PCYT1B: variants seen among roughly 807,000 people sequenced by gnomAD.
The protein encoded by PCYT1B is phosphate cytidylyltransferase 1B, choline.
A neutral mutation model predicts 26.4 loss-of-function variants in PCYT1B; 10 were observed. That is an observed-to-expected ratio of 0.38 (90% CI 0.23 to 0.64). The LOEUF (loss-of-function observed/expected upper bound fraction) is 0.64. Among genes scored for constraint, PCYT1B ranks in the 30% least tolerant of loss-of-function variants. The probability of loss-of-function intolerance (pLI) is 0.56; values close to 1 mark genes in which losing one functional copy is unlikely to be tolerated. For synonymous variants in PCYT1B, 131 were observed against 108.4 expected (o/e 1.21, Z -1.29); for missense variants, 161 against 292.7 (o/e 0.55, Z 3.28).
At chrX:24,572,722 T>C (rs185326806) in intron 7 of PCYT1B, among the ~76,000 whole-genome samples, 26 of 110,848 alleles carry the variant, frequency 2.3e-4, no homozygotes, top group African/African-American at 5.9e-4. Flanking sequence ...CTGGCTGATA[T>C]GGTAAATTAA....
chrX:24,671,704 C>T (rs1346814163), intron 1 of PCYT1B, among the ~76,000 whole-genome samples: 1 of 111,387 alleles, frequency 9.0e-6, no homozygotes, highest in Non-Finnish European at 1.9e-5. Context: ...GAAATTCCCT[C>T]TGCCTCGTTG....
chrX:24,615,907 T>C (rs1363761847), intron 2 of PCYT1B, among the ~76,000 whole-genome samples: 1 of 111,631 alleles, frequency 9.0e-6, no homozygotes, highest in Non-Finnish European at 1.9e-5. Context: ...AGGCAGATCG[T>C]TGCAGTAGGC....
At chrX:24,569,690 T>C (rs1923757713) in intron 7 of PCYT1B, among the ~76,000 whole-genome samples, 1 of 111,972 alleles carries the variant, frequency 8.9e-6, no homozygotes, top group South Asian at 3.7e-4. Flanking sequence ...CATATGAGGT[T>C]CATAGAGTGG....
intron 2 of PCYT1B, among the ~76,000 whole-genome samples, chrX:24,612,164 G>A (rs375047773): frequency 6.2e-5 from 7 of 112,094 alleles, no homozygotes; most frequent in African/African-American, 2.3e-4. Flanking sequence ...GCCGACAACT[G>A]GTAAGAAGCT....
At chrX:24,637,360 G>A (rs1270140465) in intron 1 of PCYT1B, among the ~76,000 whole-genome samples, 1 of 103,762 alleles carries the variant, frequency 9.6e-6, no homozygotes, top group Non-Finnish European at 1.9e-5. Flanking sequence ...TGATCTTTGG[G>A]GCCGGGCACG....
chrX:24,587,204 G>C lies in PCYT1B; in HGVS notation c.565+37C>G, dbSNP rs201631061. On this transcript the variant is annotated intron_variant, in intron 5 of 7. Coordinates refer to ENST00000379144, the MANE Select transcript of PCYT1B (RefSeq NM_004845.5). Reference sequence around the variant, plus strand: ...GTCTCTTATTGCACCTGATTATTGTGATGTGGTTGACAGGTGAGCACAGGG... The same window carrying C: ...GTCTCTTATTGCACCTGATTATTGTCATGTGGTTGACAGGTGAGCACAGGG... The C allele has an allele frequency of 1.8e-4, 167 of 934,697 alleles. 1 individual carries two copies. The African/African-American group carries it at 2.8e-3, about 16-fold the overall frequency. The allele number at this position is 934,697 out of a possible 1,213,427, so 77.0% of individuals were successfully genotyped here.
chrX:24,615,609 C>G (rs1925463587), intron 2 of PCYT1B, among the ~76,000 whole-genome samples: 1 of 110,597 alleles, frequency 9.0e-6, no homozygotes, highest in Non-Finnish European at 1.9e-5. Context: ...GGACTACAGA[C>G]ATGCACCACC....
rs746684147 is a variant in PCYT1B at position 24,571,014 on chromosome X, C to G, written c.897+4116G>C. ...CAGGCTCCATCCTACCGCCTACCAA[C>G]TCCTGTGAGACCACGGGAAAGTTTC... On this transcript the variant is annotated intron_variant, in intron 7 of 7. Coordinates refer to ENST00000379144, the MANE Select transcript of PCYT1B (RefSeq NM_004845.5). 6.2e-5 allele frequency among the ~76,000 whole-genome samples: 7 copies of G among 112,302 alleles called. No homozygotes were observed. In the East Asian group the frequency reaches 2.0e-3, roughly 31 times the overall value.
chrX:24,631,423 T>A (rs1926088476), intron 1 of PCYT1B, among the ~76,000 whole-genome samples: 1 of 111,661 alleles, frequency 9.0e-6, no homozygotes, highest in South Asian at 3.8e-4. Flanking sequence ...TAATGTGGGA[T>A]GGGCAAGACA....
rs1353849211 is a variant in PCYT1B at position 24,590,169 on chromosome X, T to C, written c.340A>G (p.Ser114Gly). ...TTGAATTTGTGGGTGAGATCATCACTGCAAACTAAAACAGGCAAATGCATT... is the reference window on the plus strand; with the variant it reads ...TTGAATTTGTGGGTGAGATCATCACCGCAAACTAAAACAGGCAAATGCATT... Reference protein sequence around the residue: ...PNSYLLVGVCSDDLTHKFKGF... With the variant: ...PNSYLLVGVCGDDLTHKFKGF... Residue 114 changes from serine to glycine, a missense_variant, in exon 4 of 8, where the codon AGT (serine) becomes GGT (glycine). Ser to Gly is a moderately conservative substitution (Grantham distance 56, BLOSUM62 0). Around this residue, in one of 4 missense-constraint regions of PCYT1B, gnomAD observed 65 missense variants for 145.0 expected, o/e 0.45. Coordinates refer to ENST00000379144, the MANE Select transcript of PCYT1B (RefSeq NM_004845.5). 1 of 1,206,814 alleles carries C rather than the reference T, an allele frequency of 8.3e-7. No homozygotes were observed. The highest frequency in any genetic ancestry group is 1.1e-6 in the Non-Finnish European group (1 of 893,496).
intron 2 of PCYT1B, among the ~76,000 whole-genome samples, chrX:24,608,942 A>G (rs1198873856): frequency 1.8e-5 from 2 of 111,599 alleles, no homozygotes; most frequent in Admixed American, 9.6e-5. Context: ...TATTTTGCCA[A>G]CCTTGACACC....
chrX:24,659,409 C>A (rs766410285), intron 1 of PCYT1B, among the ~76,000 whole-genome samples: 1 of 111,020 alleles, frequency 9.0e-6, no homozygotes, highest in East Asian at 2.8e-4. Context: ...GCAATACAAA[C>A]AGAAGTGGCC....
chrX:24,593,388 CTCTT>C (rs980349754), intron 3 of PCYT1B, among the ~76,000 whole-genome samples: 5 of 102,939 alleles, frequency 4.9e-5, no homozygotes, highest in African/African-American at 1.8e-4. Context: ...CTCTCTCTCT[CTCTT>C]TCCTTCTTTC....
intron 1 of PCYT1B, among the ~76,000 whole-genome samples, chrX:24,624,249 A>C (rs188785792): frequency 9.0e-6 from 1 of 111,698 alleles, no homozygotes; most frequent in Non-Finnish European, 1.9e-5. Context: ...GATTACAGGC[A>C]TGAGCCACCG....
intron 1 of PCYT1B, among the ~76,000 whole-genome samples, chrX:24,659,200 G>A (rs1325638546): frequency 8.9e-6 from 1 of 111,884 alleles, no homozygotes; most frequent in East Asian, 2.8e-4. Flanking sequence ...CACGTTGAAA[G>A]CTTTTCATTT....
chrX:24,575,397 T>C, intron 6 of PCYT1B, 79 bp from the exon 7 acceptor site: 1 of 730,085 alleles, frequency 1.4e-6, no homozygotes. Context: ...ACATTAAAGT[T>C]CATATTTTAT....
At chrX:24,614,173 T>A (rs1231326061) in intron 2 of PCYT1B, among the ~76,000 whole-genome samples, 3 of 111,225 alleles carry the variant, frequency 2.7e-5, no homozygotes, top group Non-Finnish European at 3.8e-5. Flanking sequence ...CGATTCTGAT[T>A]GCTTTTTTGA....
intron 7 of PCYT1B, among the ~76,000 whole-genome samples, chrX:24,572,939 C>T (rs7877779): frequency 4.6e-4 from 33 of 72,062 alleles, no homozygotes; most frequent in Admixed American, 7.8e-4. Context: ...TATATATATA[C>T]ACACACACAC....
chrX:24,645,980 A>G (rs1255656545), intron 1 of PCYT1B, among the ~76,000 whole-genome samples: 3 of 111,906 alleles, frequency 2.7e-5, no homozygotes, highest in Non-Finnish European at 5.6e-5. Context: ...ATCCTTTTTT[A>G]AAAAACTCTT....
Sources: allele counts gnomAD v4.1 joint callset (sites outside exome capture counted in the v4.1 genomes callset), GRCh38; gene constraint gnomAD v4.1.1; regional missense constraint gnomAD v4.1.1; transcripts MANE v1.5; gene names NCBI Gene and HGNC (gene_info 2026-07-23, HGNC 2026-07-21).